The following EYA1 variants were observed in gnomAD, a reference collection of about 807,000 sequenced individuals.
EYA1 encodes the protein EYA transcriptional coactivator and phosphatase 1.
In EYA1, 16 loss-of-function variants were observed where a neutral mutation model predicts 82.0. The ratio of observed to expected loss-of-function variants is 0.20; its 90% CI spans 0.13 to 0.30. EYA1 has a LOEUF of 0.30. EYA1 is among the 10% of genes least tolerant of loss of function. The pLI is 1.00. For missense variants in EYA1, 633 were observed against 730.7 expected (o/e 0.87, Z 1.54); for synonymous variants, 261 against 264.4 (o/e 0.99, Z 0.12).
intron 2 of EYA1, among the ~76,000 whole-genome samples, chr8:71,474,911 C>T (rs1168260247): frequency 2.0e-5 from 3 of 152,062 alleles, no homozygotes; most frequent in Admixed American, 6.6e-5. Context: ...GTGGGTGGAT[C>T]GCCTAAGGTC....
At chr8:71,451,929 T>C (rs1807414128) in intron 2 of EYA1, among the ~76,000 whole-genome samples, 1 of 152,102 alleles carries the variant, frequency 6.6e-6, no homozygotes, top group African/African-American at 2.4e-5. Context: ...GGTGCAGGAC[T>C]GTGGGTGCAG....
intron 2 of EYA1, among the ~76,000 whole-genome samples, chr8:71,373,801 A>G (rs1395321143): frequency 6.6e-6 from 1 of 152,172 alleles, no homozygotes; most frequent in Non-Finnish European, 1.5e-5. Flanking sequence ...ACATACACCA[A>G]TGGAACAGGA....
intron 2 of EYA1, among the ~76,000 whole-genome samples, chr8:71,435,037 T>A (rs1197539907): frequency 1.3e-5 from 2 of 152,166 alleles, no homozygotes; most frequent in Non-Finnish European, 2.9e-5. Flanking sequence ...TATGCAGTTC[T>A]GAAAATGGGC....
At chr8:71,418,416 A>C (rs137862439) in intron 2 of EYA1, among the ~76,000 whole-genome samples, 20 of 152,182 alleles carry the variant, frequency 1.3e-4, no homozygotes, top group African/African-American at 4.8e-4. Context: ...CCCCAGTGTC[A>C]CTTGTACCTG....
intron 2 of EYA1, among the ~76,000 whole-genome samples, chr8:71,514,635 T>G (rs1812833811): frequency 6.6e-6 from 1 of 152,074 alleles, no homozygotes. Flanking sequence ...GAAACCCCAA[T>G]AAACCCACCA....
At chr8:71,473,728 A>G (rs1408378292) in intron 2 of EYA1, among the ~76,000 whole-genome samples, 1 of 152,134 alleles carries the variant, frequency 6.6e-6, no homozygotes, top group African/African-American at 2.4e-5. Flanking sequence ...ATAAATCATC[A>G]TACTGTAAAG....
At chr8:71,224,493 G>A (rs891507288) in intron 12 of EYA1, among the ~76,000 whole-genome samples, 4 of 152,156 alleles carry the variant, frequency 2.6e-5, no homozygotes, top group Non-Finnish European at 5.9e-5. Flanking sequence ...TACATCCATG[G>A]CTCTGACTTC....
chr8:71,464,268 C>G (rs1808621992), intron 2 of EYA1, among the ~76,000 whole-genome samples: 1 of 152,164 alleles, frequency 6.6e-6, no homozygotes, highest in African/African-American at 2.4e-5. Context: ...CTTTGTATCT[C>G]AAAAAACTCA....
intron 2 of EYA1, among the ~76,000 whole-genome samples, chr8:71,474,876 A>C (rs1809526791): frequency 6.6e-6 from 1 of 152,224 alleles, no homozygotes; most frequent in Non-Finnish European, 1.5e-5. Flanking sequence ...TCATGCCTGT[A>C]ATCCCAGCAC....
intron 2 of EYA1, among the ~76,000 whole-genome samples, chr8:71,461,113 T>A (rs1808329360): frequency 6.6e-6 from 1 of 152,180 alleles, no homozygotes; most frequent in Admixed American, 6.5e-5. Flanking sequence ...TAATTTCATG[T>A]AATTTTGTTG....
chr8:71,358,319 C>T (rs1827083239), intron 1 of EYA1, among the ~76,000 whole-genome samples: 2 of 152,144 alleles, frequency 1.3e-5, no homozygotes, highest in South Asian at 4.1e-4. Flanking sequence ...CACGACAACA[C>T]ATTTCTTTTA....
At chr8:71,338,035 G>T (rs555787621) in intron 3 of EYA1, among the ~76,000 whole-genome samples, 2 of 152,324 alleles carry the variant, frequency 1.3e-5, no homozygotes, top group East Asian at 3.9e-4. Flanking sequence ...TGCTTTTATA[G>T]TCACTCTATC....
At chr8:71,398,484 T>C (rs1385414780) in intron 2 of EYA1, among the ~76,000 whole-genome samples, 1 of 152,246 alleles carries the variant, frequency 6.6e-6, no homozygotes, top group Admixed American at 6.5e-5. Flanking sequence ...TTGGTGTGGA[T>C]GTCCTTTCTG....
intron 12 of EYA1, among the ~76,000 whole-genome samples, chr8:71,222,891 A>G (rs1315527725): frequency 1.3e-5 from 2 of 151,900 alleles, no homozygotes. Flanking sequence ...AGTTGTTTTG[A>G]GTTTAGGGGA....
intron 2 of EYA1, among the ~76,000 whole-genome samples, chr8:71,517,639 A>G: frequency 6.6e-6 from 1 of 150,856 alleles, no homozygotes; most frequent in South Asian, 2.1e-4. Context: ...AAGAACTAAT[A>G]TTACTTTTTA....
chr8:71,262,412 C>T (rs1237158134), intron 11 of EYA1, among the ~76,000 whole-genome samples: 2 of 152,182 alleles, frequency 1.3e-5, no homozygotes, highest in African/African-American at 2.4e-5. Context: ...TGGTTTCCTG[C>T]TTCCTCCTCT....
At chr8:71,501,150 C>T (rs1811780795) in intron 2 of EYA1, among the ~76,000 whole-genome samples, 2 of 152,174 alleles carry the variant, frequency 1.3e-5, no homozygotes, top group Admixed American at 6.5e-5. Flanking sequence ...CTTGATATGA[C>T]TTTAAGACAA....
intron 12 of EYA1, among the ~76,000 whole-genome samples, chr8:71,241,226 T>C (rs1421946407): frequency 6.6e-6 from 1 of 152,196 alleles, no homozygotes; most frequent in Non-Finnish European, 1.5e-5. Context: ...TTTTTCCTGG[T>C]GTGTCAACAG....
chr8:71,232,420 GACA>G (rs957135371), intron 12 of EYA1, among the ~76,000 whole-genome samples: 12 of 152,230 alleles, frequency 7.9e-5, no homozygotes, highest in African/African-American at 2.9e-4. Context: ...GAGGTAGGAA[GACA>G]ACGAGTAAAA....
Sources: gnomAD v4.1 joint callset for allele counts (sites outside exome capture counted in the v4.1 genomes callset) on GRCh38, gnomAD v4.1.1 for gene constraint, MANE v1.5 for transcripts, NCBI Gene and HGNC (gene_info 2026-07-23, HGNC 2026-07-21) for gene names.